Variants in LRRK2 observed in about 807,000 individuals in gnomAD.
LRRK2 encodes leucine rich repeat kinase 2, also known as leucine-rich repeat serine/threonine-protein kinase 2.
LRRK2 carries 203 observed loss-of-function variants against 302.6 expected under a neutral mutation model. The ratio of observed to expected loss-of-function variants is 0.67; its 90% CI spans 0.60 to 0.75. The LOEUF is 0.75. Among genes scored for constraint, LRRK2 ranks in the 30% least tolerant of loss-of-function variants. The probability of loss-of-function intolerance (pLI) is 0.00; values close to 1 mark genes in which losing one functional copy is unlikely to be tolerated. For missense variants in LRRK2, 2,830 were observed against 2,951.0 expected (o/e 0.96, Z 0.95); for synonymous variants, 1,066 against 1,031.9 (o/e 1.03, Z -0.63).
intron 14 of LRRK2, among the ~76,000 whole-genome samples, chr12:40,267,548 G>T: frequency 6.6e-6 from 1 of 152,222 alleles, no homozygotes; most frequent in African/African-American, 2.4e-5. Context: ...TCAGCAGTCG[G>T]GAGCCAAGAG....
At chr12:40,313,400 T>C (rs979025483) in intron 31 of LRRK2, among the ~76,000 whole-genome samples, 2 of 152,000 alleles carry the variant, frequency 1.3e-5, no homozygotes, top group African/African-American at 4.8e-5. Flanking sequence ...GAATCACTGA[T>C]GTTTAGATGA....
intron 23 of LRRK2, among the ~76,000 whole-genome samples, chr12:40,296,895 T>G (rs1430915474): frequency 6.6e-6 from 1 of 152,098 alleles, no homozygotes; most frequent in Non-Finnish European, 1.5e-5. Flanking sequence ...CACCCAGGGC[T>G]CAATTTAACT....
intron 44 of LRRK2, 134 bp from the exon 45 acceptor site, chr12:40,354,165 A>G: frequency 1.4e-6 from 1 of 719,572 alleles, no homozygotes; most frequent in Non-Finnish European, 2.3e-6. Context: ...ATTAAATAAA[A>G]TTGGCATTGT....
In LRRK2 at chr12:40,335,006, A is replaced by G. The variant is rs764664944; in HGVS notation, c.5797A>G (p.Ile1933Val). 1.2e-6 allele frequency: 2 copies of G among 1,614,016 alleles called. No homozygotes were observed. Among genetic ancestry groups the G allele is most frequent in the East Asian group, 2.2e-5 (1 of 44,862 alleles). The stretch of plus-strand genomic sequence containing the variant: ...TTGCCACCTCCACCACCCCAGTTTG[A>G]TATCTTTGCTGGCAGCTGGGATTCG... ...VLCHLHHPSL[I>V]SLLAAGIRPR... The change falls in exon 40 of 51, where the codon ATA (isoleucine) becomes GTA (valine). Residue 1933 changes from isoleucine (I) to valine (V), a missense_variant. This residue lies in a region of LRRK2 where 253 missense variants were observed against 346.7 expected (regional missense o/e 0.73). Transcript: ENST00000298910.
At chr12:40,350,282 A>C (rs1234168216) in intron 43 of LRRK2, among the ~76,000 whole-genome samples, 4 of 152,104 alleles carry the variant, frequency 2.6e-5, no homozygotes, top group Non-Finnish European at 5.9e-5. Context: ...GTATACATTT[A>C]TATTATCTCA....
chr12:40,334,139 A>G (rs1945798778), intron 39 of LRRK2, among the ~76,000 whole-genome samples: 1 of 152,210 alleles, frequency 6.6e-6, no homozygotes, highest in South Asian at 2.1e-4. Flanking sequence ...TTTACCTCAT[A>G]TGCCAGTTGC....
chr12:40,310,285 A>G, intron 30 of LRRK2, 146 bp from the exon 31 acceptor site: 1 of 806,836 alleles, frequency 1.2e-6, no homozygotes, highest in South Asian at 1.5e-5. Flanking sequence ...TTAAGGAAAA[A>G]AGGACAGTTG....
intron 14 of LRRK2, among the ~76,000 whole-genome samples, chr12:40,271,308 AC>A (rs1477298580): frequency 1.3e-5 from 2 of 152,198 alleles, no homozygotes; most frequent in African/African-American, 4.8e-5. Context: ...AAGGGAGAAA[AC>A]AAAACACAAA....
chr12:40,302,951 G>A (rs531477562), intron 26 of LRRK2, 69 bp downstream of exon 26: 19 of 1,100,870 alleles, frequency 1.7e-5, no homozygotes, highest in East Asian at 4.8e-5. Context: ...ACATGATTTC[G>A]ATTTAGTCAT....
Position 40,367,834 on chromosome 12 carries a change from T to A in LRRK2, c.*69T>A. Reference sequence around the variant, plus strand: ...CTCTTGTAAATATTTATTTTAAAAATGTTCACATGGAAAGGGTACTCACAT... The same window carrying A: ...CTCTTGTAAATATTTATTTTAAAAAAGTTCACATGGAAAGGGTACTCACAT... On this transcript the variant is annotated 3_prime_UTR_variant, in exon 51 of 51. Coordinates refer to ENST00000298910, the MANE Select transcript of LRRK2 (RefSeq NM_198578.4). 6.7e-7 allele frequency: 1 copy of A among 1,498,040 alleles called. No homozygotes were observed. The highest frequency in any genetic ancestry group is 9.1e-7 in the Non-Finnish European group (1 of 1,103,798). The allele number at this position is 1,498,040 out of a possible 1,614,324, so 92.8% of individuals were successfully genotyped here.
intron 48 of LRRK2, among the ~76,000 whole-genome samples, chr12:40,364,254 T>C (rs954008564): frequency 6.6e-6 from 1 of 151,896 alleles, no homozygotes; most frequent in Non-Finnish European, 1.5e-5. Context: ...CTGACAGTTT[T>C]TCTATGGATT....
At chr12:40,338,373 A>T (rs952226624) in intron 40 of LRRK2, among the ~76,000 whole-genome samples, 1 of 152,220 alleles carries the variant, frequency 6.6e-6, no homozygotes, top group Non-Finnish European at 1.5e-5. Flanking sequence ...GAATAATTCT[A>T]TTCAGAATCA....
At chr12:40,319,200 C>A (rs1258985332) in intron 33 of LRRK2, among the ~76,000 whole-genome samples, 1 of 151,990 alleles carries the variant, frequency 6.6e-6, no homozygotes, top group African/African-American at 2.4e-5. Context: ...ATGTACTTTG[C>A]GTACTTTACA....
intron 32 of LRRK2, among the ~76,000 whole-genome samples, chr12:40,314,455 A>G (rs903275396): frequency 3.3e-5 from 5 of 152,074 alleles, no homozygotes; most frequent in Admixed American, 6.6e-5. Context: ...TGTCTTTACT[A>G]TTCAGGAGCT....
chr12:40,225,155 G>A lies in LRRK2; in HGVS notation c.24G>A (p.Gly8=), dbSNP rs1940800669. The change falls in exon 1 of 51, where the codon GGG becomes GGA. Residue 8 remains glycine, a synonymous_variant. Transcript: ENST00000298910. ...CCATGGCTAGTGGCAGCTGTCAGGG[G>A]TGCGAAGAGGACGAGGAAACTCTGA... MASGSCQ[G]CEEDEETLKK... 6.2e-7 allele frequency: 1 copy of A among 1,614,104 alleles called. No homozygotes were observed. Among genetic ancestry groups the A allele is most frequent in the Non-Finnish European group, 8.5e-7 (1 of 1,180,008 alleles).
chr12:40,296,217 G>C (rs779048283), intron 23 of LRRK2, among the ~76,000 whole-genome samples: 11 of 152,050 alleles, frequency 7.2e-5, no homozygotes, highest in Non-Finnish European at 1.3e-4. Context: ...TTTGTTGATA[G>C]GATAGCTCTC....
intron 39 of LRRK2, among the ~76,000 whole-genome samples, chr12:40,332,129 G>A (rs1252226625): frequency 1.3e-5 from 2 of 152,140 alleles, no homozygotes; most frequent in Admixed American, 6.5e-5. Context: ...TGTGCTAATT[G>A]GCTTTAGGCC....
At chr12:40,305,030 C>T (rs966017790) in intron 27 of LRRK2, 1 of 152,096 alleles carries the variant, frequency 6.6e-6, no homozygotes, top group East Asian at 1.9e-4. Flanking sequence ...TTCCTTGGTA[C>T]ATTCTTAAAT....
chr12:40,239,525 TAG>T (rs1941631127), intron 5 of LRRK2, among the ~76,000 whole-genome samples: 1 of 152,090 alleles, frequency 6.6e-6, no homozygotes, highest in Non-Finnish European at 1.5e-5. Flanking sequence ...AGGTAGACCA[TAG>T]AATGTTACAA....
Sources: allele counts gnomAD v4.1 joint callset (sites outside exome capture counted in the v4.1 genomes callset), GRCh38; gene constraint gnomAD v4.1.1; regional missense constraint gnomAD v4.1.1; transcripts MANE v1.5; gene names NCBI Gene and HGNC (gene_info 2026-07-23, HGNC 2026-07-21).